The following MAPT variants were observed in gnomAD, a reference collection of about 807,000 sequenced individuals.
MAPT encodes microtubule-associated protein tau.
In MAPT, 34 loss-of-function variants were observed where a neutral mutation model predicts 67.9. The ratio of observed to expected loss-of-function variants is 0.50; its 90% CI spans 0.38 to 0.67. MAPT has a LOEUF of 0.67. Among genes scored for constraint, MAPT ranks in the 30% least tolerant of loss-of-function variants. The probability of loss-of-function intolerance (pLI) is 0.00; values close to 1 mark genes in which losing one functional copy is unlikely to be tolerated. For synonymous variants in MAPT, 456 were observed against 464.5 expected, an observed-to-expected ratio of 0.98 and a Z score of 0.23; for missense variants, 881 against 1,115.2, an observed-to-expected ratio of 0.79 and a Z score of 2.99.
intron 4 of MAPT, among the ~76,000 whole-genome samples, chr17:45,981,524 C>T (rs939874653): frequency 6.6e-6 from 1 of 152,190 alleles, no homozygotes; most frequent in Admixed American, 6.5e-5. Context: ...CTTCCTCCCA[C>T]GGGGGCCTAC....
intron 1 of MAPT, among the ~76,000 whole-genome samples, chr17:45,900,588 G>T (rs950023393): frequency 6.6e-6 from 1 of 152,216 alleles, no homozygotes; most frequent in Admixed American, 6.5e-5. Flanking sequence ...GAGTCCCCAA[G>T]AAATGCATTT....
chr17:46,011,958 C>T (rs1413391472), intron 10 of MAPT, among the ~76,000 whole-genome samples: 1 of 152,224 alleles, frequency 6.6e-6, no homozygotes, highest in African/African-American at 2.4e-5. Context: ...AGTGTCTCCT[C>T]TGTCTCCCAC....
chr17:45,990,294 C>T (rs2073956836), intron 7 of MAPT, among the ~76,000 whole-genome samples: 1 of 152,136 alleles, frequency 6.6e-6, no homozygotes, highest in East Asian at 1.9e-4. Flanking sequence ...GCTCCTAAGA[C>T]ACCTGGTGGG....
At chr17:45,932,819 T>C (rs1018010008) in intron 1 of MAPT, among the ~76,000 whole-genome samples, 1 of 152,058 alleles carries the variant, frequency 6.6e-6, no homozygotes, top group African/African-American at 2.4e-5. Context: ...CAGTGGCTCA[T>C]GCCTATAATC....
intron 3 of MAPT, chr17:45,974,312 C>T (rs1016755946): frequency 5.5e-6 from 6 of 1,089,436 alleles, no homozygotes; most frequent in Non-Finnish European, 6.9e-6. Flanking sequence ...ATTGCTCCTG[C>T]GCAAGAAGCA....
intron 1 of MAPT, 51 bp downstream of exon 1, chr17:45,894,737 C>T (rs2063035718): frequency 1.3e-5 from 2 of 153,182 alleles, no homozygotes; most frequent in Non-Finnish European, 2.9e-5. Flanking sequence ...CTGTGCACCC[C>T]TGCGCCGCCG....
At chr17:45,987,237 G>A (rs1265245499) in intron 6 of MAPT, 142 bp downstream of exon 6, 1 of 821,740 alleles carries the variant, frequency 1.2e-6, no homozygotes, top group African/African-American at 1.7e-5. Flanking sequence ...TTGTATTTTG[G>A]GGCAGGCTTT....
chr17:45,944,677 A>C (rs62062776), intron 1 of MAPT, among the ~76,000 whole-genome samples: 21,833 of 152,128 alleles, frequency 0.14, 2,140 homozygotes, highest in Non-Finnish European at 0.22. Context: ...TCAGAAACCA[A>C]AGCCTAGGAG....
chr17:45,904,270 ATTT>A (rs1211045702), intron 1 of MAPT, among the ~76,000 whole-genome samples: 2 of 47,126 alleles, frequency 4.2e-5, no homozygotes, highest in Non-Finnish European at 8.4e-5. Context: ...TATTATATAT[ATTT>A]TTATATATAT....
intron 1 of MAPT, among the ~76,000 whole-genome samples, chr17:45,947,213 C>T (rs555555599): frequency 6.6e-6 from 1 of 151,686 alleles, no homozygotes; most frequent in East Asian, 2.0e-4. Flanking sequence ...GTGTGCTGGG[C>T]GCCACTTGTG....
rs759212591 is a variant in MAPT at position 45,991,483 on chromosome 17, C to G, written c.1629C>G (p.Ile543Met). 1.2e-6 allele frequency: 2 copies of G among 1,614,190 alleles called. No homozygotes were observed. Among genetic ancestry groups the G allele is most frequent in the Admixed American group, 3.3e-5 (2 of 60,022 alleles). The part of the protein sequence containing the change: ...KLKGADGKTK[I>M]ATPRGAAPPG... Reference sequence around the variant, plus strand: ...AGGGGGCTGATGGTAAAACGAAGATCGCCACACCGCGGGGAGCAGCCCCTC... The same window carrying G: ...AGGGGGCTGATGGTAAAACGAAGATGGCCACACCGCGGGGAGCAGCCCCTC... Residue 543 changes from isoleucine to methionine, a missense_variant, in exon 8 of 13, where the codon ATC (isoleucine) becomes ATG (methionine). Ile to Met is a conservative substitution (Grantham distance 10). Coordinates refer to ENST00000262410, the MANE Select transcript of MAPT (RefSeq NM_001377265.1).
chr17:45,998,336 C>T (rs1033083788), intron 9 of MAPT, among the ~76,000 whole-genome samples: 5 of 152,004 alleles, frequency 3.3e-5, no homozygotes, highest in Admixed American at 6.6e-5. Flanking sequence ...TTAAAAGGGA[C>T]GCATGTGTAG....
intron 8 of MAPT, among the ~76,000 whole-genome samples, chr17:45,992,915 C>T (rs539459547): frequency 1.0e-4 from 15 of 150,640 alleles, no homozygotes; most frequent in African/African-American, 2.7e-4. Flanking sequence ...AAAAAACAGT[C>T]GTCCTCTTTG....
intron 1 of MAPT, among the ~76,000 whole-genome samples, chr17:45,947,452 C>T (rs1417433198): frequency 1.3e-5 from 2 of 149,648 alleles, no homozygotes; most frequent in East Asian, 2.0e-4. Context: ...GGCATGATCT[C>T]GGCTCACTGC....
In MAPT at chr17:45,962,373, A is replaced by G. The variant is rs375852870; in HGVS notation, c.36A>G (p.Glu12=). Residue 12 remains glutamate, a synonymous_variant, in exon 2 of 13, where the codon GAA becomes GAG. Transcript: ENST00000262410. ...AEPRQEFEVM[E]DHAGTYGLGD... is the part of the protein sequence containing the mutation. ...CCCGCCAGGAGTTCGAAGTGATGGAAGATCACGCTGGGACGTACGGGTTGG... is the reference window on the plus strand; with the variant it reads ...CCCGCCAGGAGTTCGAAGTGATGGAGGATCACGCTGGGACGTACGGGTTGG... The G allele has an allele frequency of 9.3e-6, 15 of 1,612,374 alleles. No homozygotes were observed. Among genetic ancestry groups the G allele is most frequent in the Non-Finnish European group, 1.2e-5 (14 of 1,179,914 alleles).
At position 46,025,925 on chromosome 17, in the gene MAPT, TC is replaced by T. The variant is rs942345721; in HGVS notation, c.*1755del. The T allele has an allele frequency of 1.3e-5, 2 of 152,222 alleles. No homozygotes were observed. The highest frequency in any genetic ancestry group is 4.8e-5 in the African/African-American group (2 of 41,390). The allele number at this position is 152,222 out of a possible 1,614,324, so 9.4% of individuals were successfully genotyped here. A position where few individuals can be genotyped will look rare whatever the true frequency, so the allele number is the denominator to read the frequency against. ...GGGAACACACCCCCTTGGAAATGGT[TC>T]TTTTCCCCCAGTCCCAGCTGGAAGC... On this transcript the variant is annotated 3_prime_UTR_variant, in exon 13 of 13. Coordinates refer to ENST00000262410, the MANE Select transcript of MAPT (RefSeq NM_001377265.1).
intron 1 of MAPT, among the ~76,000 whole-genome samples, chr17:45,927,383 G>A (rs1376966376): frequency 6.6e-6 from 1 of 152,168 alleles, no homozygotes; most frequent in Non-Finnish European, 1.5e-5. Context: ...GCTGACCCAA[G>A]TGTGGGAGGC....
At position 45,915,544 on chromosome 17, in the gene MAPT, A is replaced by G. The variant is rs2065143656; in HGVS notation, c.-18+20858A>G. 6.8e-6 allele frequency among the ~76,000 whole-genome samples: 1 copy of G among 146,506 alleles called. No individual in the cohort carries two copies. Among genetic ancestry groups the G allele is most frequent in the Non-Finnish European group, 1.5e-5 (1 of 66,052 alleles). On this transcript the variant is annotated intron_variant, in intron 1 of 12. Coordinates refer to ENST00000262410, the MANE Select transcript of MAPT (RefSeq NM_001377265.1). The surrounding 1 kb of genome is among the most constrained non-coding windows in gnomAD (Gnocchi z 4.4). ...GTGTCTGTGTGTGGTGTGTGTGAGC[A>G]TGTGTGTTGTGTGTGTGGTGCATGT...
At chr17:45,992,750 G>A (rs2074164608) in intron 8 of MAPT, among the ~76,000 whole-genome samples, 2 of 152,136 alleles carry the variant, frequency 1.3e-5, no homozygotes, top group African/African-American at 4.8e-5. Flanking sequence ...AATTAGCTGG[G>A]CGTGGTGGCG....
Sources: gnomAD v4.1 joint callset for allele counts (sites outside exome capture counted in the v4.1 genomes callset) on GRCh38, gnomAD v4.1.1 for gene constraint, Gnocchi (gnomAD v3.1) non-coding constraint, MANE v1.5 for transcripts, NCBI Gene and HGNC (gene_info 2026-07-23, HGNC 2026-07-21) for gene names.